Variants in FRZB observed in about 807,000 individuals in gnomAD.
The protein encoded by FRZB is frizzled related protein, also known as secreted frizzled-related protein 3.
A neutral mutation model predicts 32.5 loss-of-function variants in FRZB; 34 were observed. That is an observed-to-expected ratio of 1.05 (90% CI 0.80 to 1.39). The LOEUF (loss-of-function observed/expected upper bound fraction) is 1.39. FRZB is among the 40% of genes most tolerant of loss of function. The probability of loss-of-function intolerance (pLI) is 0.00; values close to 1 mark genes in which losing one functional copy is unlikely to be tolerated. For synonymous variants in FRZB, 170 were observed against 159.2 expected (o/e 1.07, Z -0.51); for missense variants, 423 against 424.8 (o/e 1.00, Z 0.04).
chr2:182,846,794 C>G (rs1695645304), intron 2 of FRZB, among the ~76,000 whole-genome samples: 2 of 152,158 alleles, frequency 1.3e-5, no homozygotes, highest in Non-Finnish European at 2.9e-5. Flanking sequence ...TTTCCAACTG[C>G]CTGTACGAGG....
At chr2:182,853,539 C>A (rs571221619) in intron 2 of FRZB, among the ~76,000 whole-genome samples, 98 of 152,236 alleles carry the variant, frequency 6.4e-4, no homozygotes, top group Non-Finnish European at 1.2e-3. Flanking sequence ...AAAACATTAT[C>A]AATTATATAA....
chr2:182,842,413 A>T, intron 3 of FRZB, 65 bp downstream of exon 3: 1 of 1,123,224 alleles, frequency 8.9e-7, no homozygotes. Flanking sequence ...GCACATCCTC[A>T]TAGGTGCATC....
intron 2 of FRZB, among the ~76,000 whole-genome samples, chr2:182,857,198 A>G (rs1032745237): frequency 7.9e-5 from 12 of 152,366 alleles, no homozygotes; most frequent in Non-Finnish European, 1.5e-4. Flanking sequence ...CAAATGATGC[A>G]CAAGTCAAAG....
At chr2:182,838,703 A>C (rs1695555192) in intron 3 of FRZB, 90 bp from the exon 4 acceptor site, 1 of 1,017,872 alleles carries the variant, frequency 9.8e-7, no homozygotes, top group Non-Finnish European at 1.5e-6. Flanking sequence ...CTCTTTAGTT[A>C]ATTCTTATCC....
At chr2:182,845,230 A>T (rs1203596093) in intron 2 of FRZB, among the ~76,000 whole-genome samples, 1 of 152,232 alleles carries the variant, frequency 6.6e-6, no homozygotes, top group East Asian at 1.9e-4. Flanking sequence ...GAAATTGTGA[A>T]GAATCAGAGA....
chr2:182,849,211 A>G (rs1695683081), intron 2 of FRZB, among the ~76,000 whole-genome samples: 1 of 151,688 alleles, frequency 6.6e-6, no homozygotes. Flanking sequence ...TGGGCGACAG[A>G]GCAAGACTCC....
At chr2:182,840,232 C>T (rs1437823881) in intron 3 of FRZB, among the ~76,000 whole-genome samples, 1 of 151,996 alleles carries the variant, frequency 6.6e-6, no homozygotes, top group East Asian at 1.9e-4. Context: ...TTTTGAAATG[C>T]CATTTGGCAG....
chr2:182,847,335 G>C (rs900596585), intron 2 of FRZB, among the ~76,000 whole-genome samples: 8 of 152,192 alleles, frequency 5.3e-5, no homozygotes, highest in Non-Finnish European at 8.8e-5. Context: ...CAGAGAATAT[G>C]AAGTCCATAA....
chr2:182,840,020 C>T (rs149739065), intron 3 of FRZB, among the ~76,000 whole-genome samples: 7 of 152,206 alleles, frequency 4.6e-5, no homozygotes, highest in Admixed American at 3.9e-4. Context: ...ACCAGTACAA[C>T]ACACATGACA....
chr2:182,851,591 G>GCC (rs1695710648), intron 2 of FRZB, among the ~76,000 whole-genome samples: 1 of 152,112 alleles, frequency 6.6e-6, no homozygotes. Flanking sequence ...AGGACATGGA[G>GCC]GTTGCAGTGA....
intron 2 of FRZB, among the ~76,000 whole-genome samples, chr2:182,843,104 A>G (rs1357870171): frequency 6.6e-6 from 1 of 152,212 alleles, no homozygotes; most frequent in Non-Finnish European, 1.5e-5. Context: ...TAGGTAAAAT[A>G]GCTACCATTC....
Position 182,866,500 on chromosome 2 carries a change from G to A in FRZB, c.53C>T (p.Ala18Val). The A allele has an allele frequency of 6.6e-7, 1 of 1,521,572 alleles. No homozygotes were observed. The highest frequency in any genetic ancestry group is 1.3e-5 in the South Asian group (1 of 79,262). The allele number at this position is 1,521,572 out of a possible 1,614,324, so 94.3% of individuals were successfully genotyped here. Residue 18 changes from alanine (A) to valine (V), a missense_variant, in exon 1 of 6, where the codon GCC (alanine) becomes GTC (valine). Transcript: ENST00000295113. This position sits in a 1 kb window ranked among gnomAD's most constrained non-coding sequence, Gnocchi z 4.5. ...CCGGAGCAGGCAGAGAGCAGCCAGG[G>A]CAAGCAGCCCGGCCCGCAGCAGCAG... ...GMLLLRAGLL[A>V]LAALCLLRVP... is the part of the protein sequence containing the mutation.
chr2:182,853,322 C>A (rs1383102852), intron 2 of FRZB, among the ~76,000 whole-genome samples: 1 of 152,148 alleles, frequency 6.6e-6, no homozygotes, highest in Non-Finnish European at 1.5e-5. Flanking sequence ...TTCTTTCATA[C>A]ATTGAAGTGC....
intron 2 of FRZB, among the ~76,000 whole-genome samples, chr2:182,844,989 T>C (rs1030013071): frequency 2.6e-5 from 4 of 152,172 alleles, no homozygotes; most frequent in African/African-American, 9.6e-5. Context: ...AAATTATCTG[T>C]ATAGTTCAAG....
At chr2:182,864,670 C>T (rs540940701) in intron 1 of FRZB, among the ~76,000 whole-genome samples, 1 of 152,238 alleles carries the variant, frequency 6.6e-6, no homozygotes, top group East Asian at 1.9e-4. Context: ...ATTACTTCTC[C>T]TTCTCTCACT....
At chr2:182,865,233 G>A (rs2105766360) in intron 1 of FRZB, among the ~76,000 whole-genome samples, 1 of 151,958 alleles carries the variant, frequency 6.6e-6, no homozygotes, top group Non-Finnish European at 1.5e-5. Context: ...AATAAGGGGT[G>A]AGATTTAAAA....
At chr2:182,853,154 A>G (rs993635071) in intron 2 of FRZB, among the ~76,000 whole-genome samples, 4 of 152,144 alleles carry the variant, frequency 2.6e-5, no homozygotes, top group Admixed American at 2.6e-4. Context: ...GGTTTTGCCT[A>G]TTTGTTTTCA....
intron 3 of FRZB, among the ~76,000 whole-genome samples, chr2:182,841,643 C>T (rs1483144104): frequency 1.3e-5 from 2 of 152,096 alleles, no homozygotes; most frequent in African/African-American, 4.8e-5. Context: ...AACGGGAAAG[C>T]TCTGTTAATT....
chr2:182,840,418 T>C (rs1408179536), intron 3 of FRZB, among the ~76,000 whole-genome samples: 1 of 152,126 alleles, frequency 6.6e-6, no homozygotes, highest in African/African-American at 2.4e-5. Context: ...GTTTAGCACA[T>C]GTACCCACTC....
Sources: gnomAD v4.1 joint callset for allele counts (sites outside exome capture counted in the v4.1 genomes callset) on GRCh38, gnomAD v4.1.1 for gene constraint, Gnocchi (gnomAD v3.1) non-coding constraint, MANE v1.5 for transcripts, NCBI Gene and HGNC (gene_info 2026-07-23, HGNC 2026-07-21) for gene names.